The following OCA2 variants were observed in gnomAD, a reference collection of about 807,000 sequenced individuals.
OCA2 encodes the protein OCA2 melanosomal transmembrane protein.
Under a neutral mutation model 100.2 loss-of-function variants are expected in OCA2, and 77 were observed. That is an observed-to-expected ratio of 0.77 (90% CI 0.64 to 0.93). The LOEUF is 0.93. OCA2 is among the 40% of genes least tolerant of loss of function. The probability of loss-of-function intolerance (pLI) is 0.00; values close to 1 mark genes in which losing one functional copy is unlikely to be tolerated. For synonymous variants in OCA2, 432 were observed against 439.2 expected (o/e 0.98, Z 0.21); for missense variants, 1,062 against 1,089.1 (o/e 0.98, Z 0.35).
intron 23 of OCA2, among the ~76,000 whole-genome samples, chr15:27,797,974 C>T (rs759994225): frequency 1.3e-5 from 2 of 152,230 alleles, no homozygotes; most frequent in Non-Finnish European, 2.9e-5. Flanking sequence ...TGACCTGAGA[C>T]AGCAGCCTGG....
chr15:27,846,819 G>C (rs150417630), intron 22 of OCA2, among the ~76,000 whole-genome samples: 1 of 152,136 alleles, frequency 6.6e-6, no homozygotes, highest in Non-Finnish European at 1.5e-5. Context: ...GCTGCATACC[G>C]CCTGGGGCCT....
chr15:27,765,892 G>A (rs903913466), intron 23 of OCA2, among the ~76,000 whole-genome samples: 1 of 152,178 alleles, frequency 6.6e-6, no homozygotes, highest in Non-Finnish European at 1.5e-5. Flanking sequence ...ATTGCAACCT[G>A]TTTTATCAGC....
chr15:27,964,158 A>T (rs1206030606), intron 15 of OCA2, among the ~76,000 whole-genome samples: 1 of 152,220 alleles, frequency 6.6e-6, no homozygotes, highest in South Asian at 2.1e-4. Flanking sequence ...GTCCAAATAA[A>T]CATTTAAGAA....
chr15:27,940,626 C>G (rs2140491654), intron 18 of OCA2, among the ~76,000 whole-genome samples: 1 of 152,328 alleles, frequency 6.6e-6, no homozygotes, highest in East Asian at 1.9e-4. Context: ...CTCAGCAAAG[C>G]CTATCCTATC....
At chr15:27,810,764 C>A (rs540925956) in intron 23 of OCA2, among the ~76,000 whole-genome samples, 2 of 152,072 alleles carry the variant, frequency 1.3e-5, no homozygotes, top group South Asian at 2.1e-4. Flanking sequence ...AACAAACATA[C>A]GAAAAAATGC....
chr15:28,004,840 C>G (rs2141145262), intron 9 of OCA2, among the ~76,000 whole-genome samples: 1 of 152,154 alleles, frequency 6.6e-6, no homozygotes, highest in South Asian at 2.1e-4. Flanking sequence ...CATGTACTAA[C>G]ACACACACAG....
At chr15:27,885,459 C>A (rs1381398933) in intron 19 of OCA2, among the ~76,000 whole-genome samples, 2 of 152,180 alleles carry the variant, frequency 1.3e-5, no homozygotes, top group Non-Finnish European at 2.9e-5. Context: ...GAATTCATCA[C>A]TTAGGAACCA....
chr15:27,750,628 C>G (rs1276591063), downstream of OCA2, among the ~76,000 whole-genome samples: 4 of 152,162 alleles, frequency 2.6e-5, no homozygotes, highest in African/African-American at 9.7e-5. Context: ...TTAGAAGTCT[C>G]TGATATCTGT....
Position 27,926,123 on chromosome 15 carries a change from T to G in OCA2, c.2079+4A>C, listed in dbSNP as rs2140370958. 2 of 1,614,064 alleles carry G rather than the reference T, an allele frequency of 1.2e-6. No homozygotes were observed. Among genetic ancestry groups the G allele is most frequent in the Non-Finnish European group, 1.7e-6 (2 of 1,179,962 alleles). On this transcript the variant is annotated splice_donor_region_variant and intron_variant, in intron 19 of 23. Transcript: ENST00000354638. Reference sequence around the variant, plus strand: ...GCCATATGGCAAAAGTTCTAAAATCTTACCTCCATCAGAACAAAGAGCGCT... The same window carrying G: ...GCCATATGGCAAAAGTTCTAAAATCGTACCTCCATCAGAACAAAGAGCGCT...
downstream of OCA2, among the ~76,000 whole-genome samples, chr15:27,754,124 C>T (rs2030174342): frequency 6.6e-6 from 1 of 152,158 alleles, no homozygotes; most frequent in Non-Finnish European, 1.5e-5. Context: ...TGTCTCAAGG[C>T]TTCTGTGTGA....
chr15:27,838,563 T>A (rs2035236626), intron 23 of OCA2, among the ~76,000 whole-genome samples: 1 of 152,194 alleles, frequency 6.6e-6, no homozygotes, highest in African/African-American at 2.4e-5. Flanking sequence ...GTTAGGCCCA[T>A]GGATACCCAA....
At chr15:27,757,123 G>T (rs2030443583) in intron 23 of OCA2, among the ~76,000 whole-genome samples, 1 of 152,230 alleles carries the variant, frequency 6.6e-6, no homozygotes, top group African/African-American at 2.4e-5. Context: ...GCAGAGGTGG[G>T]ATGTTGAGAG....
chr15:27,986,592 C>G lies in OCA2; in HGVS notation c.1234G>C (p.Val412Leu). Reference protein sequence around the residue: ...SETGFFDYCAVKAYRLSRGRV... With the variant: ...SETGFFDYCALKAYRLSRGRV... ...AAATGCAACATCATACCTACCTTTA[C>G]AGCACAATAATCGAAAAATCCCGTT... The change falls in exon 12 of 24, where the codon GTA (valine) becomes CTA (leucine). Residue 412 changes from valine to leucine, a missense_variant. Physicochemically the swap from Val to Leu is conservative, Grantham distance 32. Coordinates refer to ENST00000354638, the MANE Select transcript of OCA2 (RefSeq NM_000275.3). 1 of 1,578,928 alleles carries G rather than the reference C, an allele frequency of 6.3e-7. No individual in the cohort carries two copies. Among genetic ancestry groups the G allele is most frequent in the East Asian group, 2.2e-5 (1 of 44,716 alleles).
At chr15:27,803,844 A>G (rs1391026664) in intron 23 of OCA2, among the ~76,000 whole-genome samples, 1 of 152,254 alleles carries the variant, frequency 6.6e-6, no homozygotes, top group Non-Finnish European at 1.5e-5. Flanking sequence ...ACAAAGACGT[A>G]GAGAAATGAG....
In OCA2 at chr15:28,027,529, A is replaced by G. The variant is rs572634810; in HGVS notation, c.515+342T>C. ...CTCCTTCGTCAATAACTACAAAGGTATATCAAATTCCAAAACGCCACGGGG... is the reference window on the plus strand; with the variant it reads ...CTCCTTCGTCAATAACTACAAAGGTGTATCAAATTCCAAAACGCCACGGGG... On this transcript the variant is annotated intron_variant, in intron 4 of 23. Transcript: ENST00000354638. 1.4e-4 allele frequency among the ~76,000 whole-genome samples: 22 copies of G among 152,336 alleles called. No homozygotes were observed. The South Asian group carries it at 3.9e-3, about 27-fold the overall frequency.
At chr15:27,851,931 A>C (rs975712149) in intron 21 of OCA2, among the ~76,000 whole-genome samples, 3 of 152,188 alleles carry the variant, frequency 2.0e-5, no homozygotes, top group African/African-American at 7.2e-5. Context: ...TCTTGAAAGC[A>C]ATCCAGCCGG....
rs940381229 is a variant in OCA2, at chr15:27,931,914, T to G, written c.1952-5660A>C. Reference sequence around the variant, plus strand: ...ACACTCCTGTTCATCTGGTCCTCACTGAATGTCCCCTAAATCCAAATTGTT... The same window carrying G: ...ACACTCCTGTTCATCTGGTCCTCACGGAATGTCCCCTAAATCCAAATTGTT... On this transcript the variant is annotated intron_variant, in intron 18 of 23. Transcript: ENST00000354638. Among the ~76,000 whole-genome samples, 141 of 152,290 alleles carry G rather than the reference T, an allele frequency of 9.3e-4. 2 individuals are homozygous for G. Among genetic ancestry groups the G allele is most frequent in the African/African-American group, 3.3e-3 (138 of 41,564 alleles).
intron 23 of OCA2, among the ~76,000 whole-genome samples, chr15:27,822,610 G>T (rs899214804): frequency 1.3e-5 from 2 of 152,058 alleles, no homozygotes; most frequent in Non-Finnish European, 2.9e-5. Flanking sequence ...GTAAAATGGC[G>T]CTGTGGTTTT....
At chr15:27,772,004 C>G (rs1416638426) in intron 23 of OCA2, among the ~76,000 whole-genome samples, 1 of 152,130 alleles carries the variant, frequency 6.6e-6, no homozygotes, top group Non-Finnish European at 1.5e-5. Flanking sequence ...ATAACTAAGT[C>G]TAGACATTAT....
Sources: gnomAD v4.1 joint callset for allele counts (sites outside exome capture counted in the v4.1 genomes callset) on GRCh38, gnomAD v4.1.1 for gene constraint, MANE v1.5 for transcripts, NCBI Gene and HGNC (gene_info 2026-07-23, HGNC 2026-07-21) for gene names.